Variants in COL27A1 observed in about 807,000 individuals in gnomAD.
The protein encoded by COL27A1 is collagen type XXVII alpha 1 chain.
In COL27A1, 106 loss-of-function variants were observed where a neutral mutation model predicts 251.3. That is an observed-to-expected ratio of 0.42 (90% confidence interval 0.36 to 0.50). The LOEUF (loss-of-function observed/expected upper bound fraction) is 0.50, where lower values mean the gene tolerates loss of function less well. COL27A1 is among the 20% of genes least tolerant of loss of function. The pLI, the probability that COL27A1 is intolerant of heterozygous loss-of-function variation, is 0.00. For missense variants in COL27A1, 2,325 were observed against 2,522.8 expected (o/e 0.92, Z 1.68); for synonymous variants, 1,000 against 986.3 (o/e 1.01, Z -0.26).
intron 58 of COL27A1, chr9:114,307,093 C>T (rs116083397): frequency 1.1e-3 from 226 of 198,594 alleles, no homozygotes; most frequent in African/African-American, 5.2e-3. Flanking sequence ...GTCAGTTCTG[C>T]CTCAGACTTG....
intron 49 of COL27A1, among the ~76,000 whole-genome samples, chr9:114,293,559 A>G (rs1428603162): frequency 1.3e-5 from 2 of 151,912 alleles, no homozygotes; most frequent in Non-Finnish European, 2.9e-5. Context: ...CCAAAAAAAA[A>G]AAAAGGAAAA....
intron 1 of COL27A1, among the ~76,000 whole-genome samples, chr9:114,157,522 C>G (rs1430989500): frequency 6.6e-6 from 1 of 152,248 alleles, no homozygotes; most frequent in Non-Finnish European, 1.5e-5. Context: ...GCTGCGGACC[C>G]TCAGCAGCCA....
intron 41 of COL27A1, among the ~76,000 whole-genome samples, chr9:114,287,195 G>C (rs970708433): frequency 6.6e-6 from 1 of 152,146 alleles, no homozygotes; most frequent in Admixed American, 6.5e-5. Context: ...ATCACCACCA[G>C]CCTTTAGAAC....
Position 114,183,086 on chromosome 9 carries a change from G to T in COL27A1, c.2016+11G>T. 1 of 1,612,136 alleles carries T rather than the reference G, an allele frequency of 6.2e-7. No individual in the cohort carries two copies. The highest frequency in any genetic ancestry group is 1.1e-5 in the South Asian group (1 of 90,970). On this transcript the variant is annotated intron_variant, in intron 5 of 60. Coordinates refer to ENST00000356083, the MANE Select transcript of COL27A1 (RefSeq NM_032888.4). ...CCTCCTGGAGCCAAAGTGAGTATTT[G>T]CTGGAGATGTGGCCATGGAGTGGGT...
intron 49 of COL27A1, among the ~76,000 whole-genome samples, chr9:114,295,434 T>C (rs1828197244): frequency 1.3e-5 from 2 of 152,216 alleles, no homozygotes; most frequent in Admixed American, 1.3e-4. Context: ...AAATGACAAG[T>C]TGGTCCTAAT....
chr9:114,258,352 C>T (rs917283404), intron 27 of COL27A1, among the ~76,000 whole-genome samples, 189 bp from the exon 28 acceptor site: 3 of 152,126 alleles, frequency 2.0e-5, no homozygotes, highest in Non-Finnish European at 4.4e-5. Context: ...GGCTGTGGCT[C>T]GCCTGCTGCT....
chr9:114,253,430 AGGAG>A (rs1306541221), intron 27 of COL27A1, among the ~76,000 whole-genome samples: 3 of 107,692 alleles, frequency 2.8e-5, no homozygotes, highest in Admixed American at 1.3e-4. Flanking sequence ...GAGAAAAAAG[AGGAG>A]GGAGGGAGGG....
In COL27A1 at chr9:114,168,137, G is replaced by C. The variant is rs748767370; in HGVS notation, c.582G>C (p.Gly194=). Residue 194 remains glycine, a synonymous_variant, in exon 3 of 61, where the codon GGG becomes GGC. Coordinates refer to ENST00000356083, the MANE Select transcript of COL27A1 (RefSeq NM_032888.4). The stretch of plus-strand genomic sequence containing the variant: ...ACAGGGACCCTGCACTCGACCCTGG[G>C]GGCTCCTTCCTCTTTGGGAAGATGA... The part of the protein sequence containing the change: ...PFHRDPALDP[G]GSFLFGKMNP... 6.2e-7 allele frequency: 1 copy of C among 1,613,140 alleles called. No individual in the cohort carries two copies. Among genetic ancestry groups the C allele is most frequent in the Non-Finnish European group, 8.5e-7 (1 of 1,180,032 alleles).
chr9:114,300,787 C>T (rs566895003), intron 51 of COL27A1, 100 bp downstream of exon 51: 206 of 1,010,710 alleles, frequency 2.0e-4, no homozygotes, highest in Non-Finnish European at 2.8e-4. Context: ...TGCTCCTTGA[C>T]TCATGAGCCC....
At chr9:114,239,352 G>A (rs1832604436) in intron 19 of COL27A1, among the ~76,000 whole-genome samples, 1 of 152,240 alleles carries the variant, frequency 6.6e-6, no homozygotes, top group Non-Finnish European at 1.5e-5. Context: ...CTGAGCACTT[G>A]CAACTTTGCT....
chr9:114,275,735 G>A lies in COL27A1; in HGVS notation c.3684G>A (p.Gly1228=), dbSNP rs1386688842. The stretch of plus-strand genomic sequence containing the variant: ...AGGAAGGGCTGATGGGTGAGGACGG[G>A]CCCCCCGGCCCCCCTGGCGTCACTG... ...KGQEGLMGED[G]PPGPPGVTGV... The change falls in exon 37 of 61, where the codon GGG becomes GGA. Residue 1228 remains glycine (G), a synonymous_variant. Transcript: ENST00000356083. 3 of 1,548,672 alleles carry A rather than the reference G, an allele frequency of 1.9e-6. No homozygotes were observed. Among genetic ancestry groups the A allele is most frequent in the African/African-American group, 1.4e-5 (1 of 73,000 alleles).
chr9:114,275,797 G>A (rs1371548166), intron 37 of COL27A1, 29 bp downstream of exon 37: 6 of 1,430,672 alleles, frequency 4.2e-6, no homozygotes, highest in Non-Finnish European at 5.7e-6. Flanking sequence ...TGCAGCGCCT[G>A]GAGCTCTGGG....
At chr9:114,191,987 C>T (rs1483937011) in intron 5 of COL27A1, among the ~76,000 whole-genome samples, 1 of 152,276 alleles carries the variant, frequency 6.6e-6, no homozygotes, top group African/African-American at 2.4e-5. Flanking sequence ...TGTCTGTTCC[C>T]CACCATGGCA....
chr9:114,182,125 G>A (rs1588605873), intron 4 of COL27A1, among the ~76,000 whole-genome samples: 1 of 151,402 alleles, frequency 6.6e-6, no homozygotes, highest in African/African-American at 2.4e-5. Context: ...GATTGCTTCA[G>A]GCCAGGAATT....
At chr9:114,192,058 A>G (rs1288015587) in intron 5 of COL27A1, among the ~76,000 whole-genome samples, 1 of 152,154 alleles carries the variant, frequency 6.6e-6, no homozygotes, top group Non-Finnish European at 1.5e-5. Flanking sequence ...TAGGTATCAT[A>G]CTCGGGCAGG....
At chr9:114,305,772 A>G (rs1420156692) in intron 57 of COL27A1, among the ~76,000 whole-genome samples, 1 of 152,186 alleles carries the variant, frequency 6.6e-6, no homozygotes, top group Non-Finnish European at 1.5e-5. Flanking sequence ...CTAGAGCACA[A>G]ATAAGGCTGA....
intron 33 of COL27A1, among the ~76,000 whole-genome samples, chr9:114,267,111 G>A (rs186737731): frequency 6.2e-4 from 94 of 152,310 alleles, no homozygotes; most frequent in South Asian, 4.1e-4. Context: ...CTTCCCACCC[G>A]CCTCACGCTG....
At chr9:114,301,032 C>A in intron 51 of COL27A1, 40 bp from the exon 52 acceptor site, 1 of 1,564,030 alleles carries the variant, frequency 6.4e-7, no homozygotes, top group Non-Finnish European at 8.7e-7. Context: ...GTTCCCCAGG[C>A]CCTGGAACAA....
chr9:114,283,583 T>C, intron 39 of COL27A1, 126 bp from the exon 40 acceptor site: 1 of 789,758 alleles, frequency 1.3e-6, no homozygotes. Flanking sequence ...TTCACACACT[T>C]TGGTTATGGG....
Sources: allele counts gnomAD v4.1 joint callset (sites outside exome capture counted in the v4.1 genomes callset), GRCh38; gene constraint gnomAD v4.1.1; transcripts MANE v1.5; gene names NCBI Gene and HGNC (gene_info 2026-07-23, HGNC 2026-07-21).